PDZD2: variants seen among roughly 807,000 people sequenced by gnomAD.
The protein encoded by PDZD2 is PDZ domain-containing protein 2.
PDZD2 carries 90 observed loss-of-function variants against 220.7 expected under a neutral mutation model. The ratio of observed to expected loss-of-function variants is 0.41; its 90% CI spans 0.34 to 0.49. PDZD2 has a LOEUF of 0.49. PDZD2 is among the 20% of genes least tolerant of loss of function. The pLI is 0.28. For missense variants in PDZD2, 3,174 were observed against 3,608.5 expected, an observed-to-expected ratio of 0.88 and a Z score of 3.08; for synonymous variants, 1,375 against 1,450.5, an observed-to-expected ratio of 0.95 and a Z score of 1.18.
At chr5:32,023,334 C>G (rs1165244330) in intron 6 of PDZD2, among the ~76,000 whole-genome samples, 1 of 152,154 alleles carries the variant, frequency 6.6e-6, no homozygotes, top group African/African-American at 2.4e-5. Context: ...CAGACAGCCT[C>G]TCCTTCCTCC....
rs144913276 is a variant in PDZD2, at chr5:31,660,765, C to G, written c.-361+21328C>G. ...AAACCATATCAGAGTCTCTGCTGCC[C>G]AGGCTGGAGTGCAATGGTGTGATTA... On this transcript the variant is annotated intron_variant, in intron 1 of 24. Coordinates refer to ENST00000438447, the MANE Select transcript of PDZD2 (RefSeq NM_178140.4). 7.8e-3 allele frequency among the ~76,000 whole-genome samples: 1,187 copies of G among 152,268 alleles called. 12 individuals are homozygous for G. The highest frequency in any genetic ancestry group is 0.017 in the Middle Eastern group (5 of 294).
At chr5:32,086,858 T>C (rs1742516403) in intron 19 of PDZD2, among the ~76,000 whole-genome samples, 2 of 147,644 alleles carry the variant, frequency 1.4e-5, no homozygotes, top group Admixed American at 6.7e-5. Context: ...TTTTTTTTTT[T>C]TTTTTTTTTT....
intron 6 of PDZD2, among the ~76,000 whole-genome samples, chr5:32,012,251 A>G (rs1753381438): frequency 6.6e-6 from 1 of 152,194 alleles, no homozygotes; most frequent in South Asian, 2.1e-4. Flanking sequence ...TGGAAAGCTA[A>G]GTAAGCCCTG....
chr5:31,856,936 A>ATATATATATATATATAT, intron 2 of PDZD2, among the ~76,000 whole-genome samples: 2 of 142,352 alleles, frequency 1.4e-5, no homozygotes, highest in African/African-American at 5.1e-5. Context: ...ATATATATAT[A>ATATATATATATATATAT]ACTTTAAAAA....
At chr5:31,756,006 G>C (rs1446534369) in intron 1 of PDZD2, among the ~76,000 whole-genome samples, 1 of 152,176 alleles carries the variant, frequency 6.6e-6, no homozygotes, top group Non-Finnish European at 1.5e-5. Context: ...TCTTTAAAAG[G>C]CTTGAAAATG....
At chr5:31,656,933 G>A (rs1269524683) in intron 1 of PDZD2, among the ~76,000 whole-genome samples, 3 of 152,178 alleles carry the variant, frequency 2.0e-5, no homozygotes, top group Non-Finnish European at 4.4e-5. Flanking sequence ...CACCTCAACA[G>A]CCTGGGAGAT....
chr5:31,812,571 T>A (rs1755187061), intron 2 of PDZD2, among the ~76,000 whole-genome samples: 1 of 152,146 alleles, frequency 6.6e-6, no homozygotes, highest in Non-Finnish European at 1.5e-5. Flanking sequence ...CTCAAGTAGC[T>A]GAGACTACAG....
At chr5:31,936,084 G>A in intron 2 of PDZD2, 1 of 987,660 alleles carries the variant, frequency 1.0e-6, no homozygotes, top group Non-Finnish European at 1.2e-6. Context: ...AGTGCTGTGG[G>A]TGGGTGGGGC....
intron 2 of PDZD2, among the ~76,000 whole-genome samples, chr5:31,852,342 G>A (rs1382221769): frequency 5.9e-5 from 9 of 152,070 alleles, no homozygotes; most frequent in Non-Finnish European, 1.3e-4. Context: ...GTGCAGTGGC[G>A]CAGTCCGGGC....
At chr5:31,969,531 A>AAAAAAAAAAAAAAAAAAAAAAAAAAAAG (rs1749095050) in intron 2 of PDZD2, among the ~76,000 whole-genome samples, 1 of 145,542 alleles carries the variant, frequency 6.9e-6, no homozygotes, top group Non-Finnish European at 1.5e-5. Flanking sequence ...AAAAAAAAAA[A>AAAAAAAAAAAAAAAAAAAAAAAAAAAAG]AAAACAATGG....
chr5:31,717,065 C>G (rs868390919), intron 1 of PDZD2, among the ~76,000 whole-genome samples: 1 of 152,018 alleles, frequency 6.6e-6, no homozygotes, highest in Non-Finnish European at 1.5e-5. Context: ...AAGAGGAAGT[C>G]TCTCCCCAGT....
At chr5:31,663,087 G>A (rs1281577233) in intron 1 of PDZD2, among the ~76,000 whole-genome samples, 1 of 152,130 alleles carries the variant, frequency 6.6e-6, no homozygotes, top group Non-Finnish European at 1.5e-5. Flanking sequence ...ATCCATTCAC[G>A]TCCACAATGC....
chr5:31,873,609 C>T (rs1739033058), intron 2 of PDZD2, among the ~76,000 whole-genome samples: 1 of 151,028 alleles, frequency 6.6e-6, no homozygotes, highest in Non-Finnish European at 1.5e-5. Flanking sequence ...CTATGTTGCC[C>T]AGGCTGGTTT....
intron 2 of PDZD2, among the ~76,000 whole-genome samples, chr5:31,948,295 G>A (rs547958460): frequency 3.3e-5 from 5 of 152,270 alleles, no homozygotes; most frequent in African/African-American, 4.8e-5. Context: ...GCTCAGGGGC[G>A]AGGGCTGTCT....
intron 23 of PDZD2, chr5:32,100,739 A>C: frequency 2.3e-6 from 1 of 437,944 alleles, no homozygotes; most frequent in Non-Finnish European, 4.3e-6. Flanking sequence ...TCAAATTTGG[A>C]GTCCCCAAGT....
chr5:31,862,719 C>A (rs1321471544), intron 2 of PDZD2, among the ~76,000 whole-genome samples: 1 of 151,924 alleles, frequency 6.6e-6, no homozygotes, highest in Non-Finnish European at 1.5e-5. Flanking sequence ...TGCCACCAGA[C>A]CCAGCTAATT....
At chr5:31,719,294 G>A (rs1325865936) in intron 1 of PDZD2, among the ~76,000 whole-genome samples, 1 of 152,200 alleles carries the variant, frequency 6.6e-6, no homozygotes, top group African/African-American at 2.4e-5. Context: ...GATGCTGTGT[G>A]AAGTGTGCAA....
chr5:31,884,657 C>T (rs554968130), intron 2 of PDZD2, among the ~76,000 whole-genome samples: 3 of 152,032 alleles, frequency 2.0e-5, no homozygotes, highest in African/African-American at 2.4e-5. Flanking sequence ...GGCGCGATCT[C>T]GGCTCACTGC....
intron 10 of PDZD2, among the ~76,000 whole-genome samples, chr5:32,056,702 T>A (rs528962723): frequency 6.6e-6 from 1 of 152,306 alleles, no homozygotes; most frequent in Non-Finnish European, 1.5e-5. Context: ...TGCACATGCC[T>A]GGCAAATTAA....
Sources: allele counts gnomAD v4.1 joint callset (sites outside exome capture counted in the v4.1 genomes callset), GRCh38; gene constraint gnomAD v4.1.1; transcripts MANE v1.5; gene names NCBI Gene and HGNC (gene_info 2026-07-23, HGNC 2026-07-21).